The following SIPA1L1 variants were observed in gnomAD, a reference collection of about 807,000 sequenced individuals.
SIPA1L1 encodes the protein signal induced proliferation associated 1 like 1, also known as signal-induced proliferation-associated 1-like protein 1.
A neutral mutation model predicts 162.7 loss-of-function variants in SIPA1L1; 26 were observed. The observed-to-expected ratio is 0.16, with a 90% CI of 0.12 to 0.22. SIPA1L1 has a LOEUF of 0.22. Ranked by LOEUF, SIPA1L1 falls within the 10% of genes least tolerant of loss-of-function variation. The probability of loss-of-function intolerance (pLI) is 1.00; values close to 1 mark genes in which losing one functional copy is unlikely to be tolerated. For missense variants in SIPA1L1, 1,874 were observed against 2,241.0 expected (o/e 0.84, Z 3.31); for synonymous variants, 829 against 837.4 (o/e 0.99, Z 0.17).
chr14:71,686,554 C>A (rs575612791), intron 13 of SIPA1L1, among the ~76,000 whole-genome samples: 2 of 151,600 alleles, frequency 1.3e-5, no homozygotes, highest in African/African-American at 4.8e-5. Flanking sequence ...TTTCTTTTTT[C>A]TTTTTTTTAG....
In SIPA1L1 at chr14:71,587,933, G is replaced by C. The variant is rs753523565; in HGVS notation, c.61G>C (p.Val21Leu). 24 of 1,613,920 alleles carry C rather than the reference G, an allele frequency of 1.5e-5. No homozygotes were observed. The highest frequency in any genetic ancestry group is 1.9e-5 in the Non-Finnish European group (22 of 1,179,876). Reference protein sequence around the residue: ...RPLATDRASVVGTDGTPKVHT... With the variant: ...RPLATDRASVLGTDGTPKVHT... ...TCTTGCCACTGACAGGGCCTCTGTT[G>C]TTGGCACAGACGGCACCCCCAAAGT... is the stretch of plus-strand genomic sequence containing the variant. The change falls in exon 5 of 24, where the codon GTT becomes CTT. Residue 21 changes from valine to leucine, a missense_variant. By Grantham distance (32) the Val-to-Leu change is conservative. Around this residue, in one of 5 missense-constraint regions of SIPA1L1, gnomAD observed 685 missense variants for 828.0 expected, o/e 0.83. Transcript: ENST00000381232.
intron 17 of SIPA1L1, among the ~76,000 whole-genome samples, chr14:71,712,952 A>C (rs898766559): frequency 7.9e-5 from 12 of 152,136 alleles, no homozygotes; most frequent in Non-Finnish European, 1.8e-4. Flanking sequence ...ACTGCCATCT[A>C]GTCAGTACAA....
intron 2 of SIPA1L1, among the ~76,000 whole-genome samples, chr14:71,338,935 T>A (rs2035367424): frequency 1.3e-5 from 2 of 152,066 alleles, no homozygotes; most frequent in African/African-American, 4.8e-5. Flanking sequence ...AGATGGCGTT[T>A]CACCATGTTG....
At chr14:71,667,761 A>T (rs190781807) in intron 10 of SIPA1L1, among the ~76,000 whole-genome samples, 1 of 152,028 alleles carries the variant, frequency 6.6e-6, no homozygotes, top group East Asian at 1.9e-4. Flanking sequence ...TATCCACTAA[A>T]CTGTTCAGAA....
At position 71,529,337 on chromosome 14, in the gene SIPA1L1, G is replaced by T. The variant is rs1285234752; in HGVS notation, c.-336G>T. The T allele has an allele frequency of 2.9e-6, 2 of 682,946 alleles. No individual in the cohort carries two copies. Among genetic ancestry groups the T allele is most frequent in the Non-Finnish European group, 5.3e-6 (2 of 375,698 alleles). The allele number at this position is 682,946 out of a possible 1,614,324, so 42.3% of individuals were successfully genotyped here. On this transcript the variant is annotated 5_prime_UTR_variant, in exon 4 of 24. Coordinates refer to ENST00000381232, the MANE Select transcript of SIPA1L1 (RefSeq NM_001386936.1). ...GTTATACCTTATTGGTGTGGACGTT[G>T]TCTAAATTTCGGTAGCCATGGCACA... is the stretch of plus-strand genomic sequence containing the variant.
intron 4 of SIPA1L1, among the ~76,000 whole-genome samples, chr14:71,560,674 G>A (rs2056717154): frequency 6.6e-6 from 1 of 152,192 alleles, no homozygotes; most frequent in African/African-American, 2.4e-5. Flanking sequence ...ACACACCAAG[G>A]TGTCCCACAC....
intron 2 of SIPA1L1, among the ~76,000 whole-genome samples, chr14:71,402,475 A>C (rs1238990061): frequency 6.6e-6 from 1 of 151,462 alleles, no homozygotes; most frequent in East Asian, 1.9e-4. Context: ...CAGCCTCCTG[A>C]GTAGGTGGGA....
chr14:71,676,702 A>G (rs2045234989), intron 12 of SIPA1L1, among the ~76,000 whole-genome samples: 1 of 133,974 alleles, frequency 7.5e-6, no homozygotes, highest in South Asian at 2.3e-4. Context: ...TTCAGTTCCC[A>G]CCTATGAGTA....
intron 5 of SIPA1L1, among the ~76,000 whole-genome samples, chr14:71,599,092 C>T (rs1184628081): frequency 6.6e-6 from 1 of 150,746 alleles, no homozygotes; most frequent in East Asian, 1.9e-4. Context: ...TTTCACTTAA[C>T]ATAATGATCT....
rs2082710614 is a variant in SIPA1L1 at position 71,709,499 on chromosome 14, T to A, written c.4043T>A (p.Val1348Glu). 1 of 1,614,186 alleles carries A rather than the reference T, an allele frequency of 6.2e-7. No individual in the cohort carries two copies. Residue 1348 changes from valine to glutamate, a missense_variant, in exon 17 of 24, where the codon GTA becomes GAA. Val to Glu is a moderately radical substitution (Grantham distance 121). This residue lies in a region of SIPA1L1 where 936 missense variants were observed against 1,051.9 expected (regional missense o/e 0.89). Transcript: ENST00000381232. The part of the protein sequence containing the change: ...VAPLWHSSSE[V>E]ISMADRTLET... ...CCCCTATGGCACAGCTCCAGTGAAG[T>A]AATCTCCATGGCAGATCGGACTTTG... is the stretch of plus-strand genomic sequence containing the variant.
chr14:71,675,727 C>T (rs1387958948), intron 12 of SIPA1L1, among the ~76,000 whole-genome samples: 1 of 152,160 alleles, frequency 6.6e-6, no homozygotes, highest in African/African-American at 2.4e-5. Context: ...GCAGCTGCAG[C>T]GAGAGGCAGG....
At chr14:71,334,009 G>A (rs2034832601) in intron 2 of SIPA1L1, among the ~76,000 whole-genome samples, 1 of 152,188 alleles carries the variant, frequency 6.6e-6, no homozygotes. Context: ...GAGGTGTTTA[G>A]CCTGAGCAGC....
intron 2 of SIPA1L1, among the ~76,000 whole-genome samples, chr14:71,385,331 G>T (rs1259210319): frequency 6.6e-6 from 1 of 152,158 alleles, no homozygotes; most frequent in Non-Finnish European, 1.5e-5. Context: ...AGGAAAGTAG[G>T]TAGGTGTGGG....
intron 2 of SIPA1L1, among the ~76,000 whole-genome samples, chr14:71,386,058 A>G (rs2040296900): frequency 6.6e-6 from 1 of 152,140 alleles, no homozygotes; most frequent in Admixed American, 6.5e-5. Context: ...TACTAGTGCC[A>G]TTTCAAATTC....
chr14:71,370,166 C>A (rs1487387702), intron 2 of SIPA1L1, among the ~76,000 whole-genome samples: 5 of 146,272 alleles, frequency 3.4e-5, no homozygotes, highest in African/African-American at 1.3e-4. Context: ...CCTTCTCCTG[C>A]CTAATTGCCC....
At chr14:71,705,367 T>C in intron 16 of SIPA1L1, 27 bp downstream of exon 16, 1 of 1,493,236 alleles carries the variant, frequency 6.7e-7, no homozygotes, top group South Asian at 1.1e-5. Context: ...CTTAAAAAAG[T>C]ATTAGATTCC....
chr14:71,419,513 C>T (rs1399623397), intron 2 of SIPA1L1, among the ~76,000 whole-genome samples: 2 of 102,862 alleles, frequency 1.9e-5, no homozygotes, highest in East Asian at 3.0e-4. Context: ...TTTTTTGAGA[C>T]GGAGTCTCGC....
chr14:71,535,268 A>G (rs1308094726), intron 4 of SIPA1L1, among the ~76,000 whole-genome samples: 3 of 152,178 alleles, frequency 2.0e-5, no homozygotes, highest in Admixed American at 1.3e-4. Context: ...AACTGGAAGT[A>G]TTTATTAGCT....
At chr14:71,714,027 G>A (rs969413996) in intron 17 of SIPA1L1, among the ~76,000 whole-genome samples, 1 of 152,172 alleles carries the variant, frequency 6.6e-6, no homozygotes, top group African/African-American at 2.4e-5. Flanking sequence ...TCTCTTAAGA[G>A]ATGTGGTTGA....
Sources: allele counts gnomAD v4.1 joint callset (sites outside exome capture counted in the v4.1 genomes callset), GRCh38; gene constraint gnomAD v4.1.1; regional missense constraint gnomAD v4.1.1; transcripts MANE v1.5; gene names NCBI Gene and HGNC (gene_info 2026-07-23, HGNC 2026-07-21).